Variants in SPMIP2 observed in about 807,000 individuals in gnomAD.
SPMIP2 encodes the protein sperm microtubule inner protein 2.
chr4:159,071,542 T>C, the SPMIP2 span, among the ~76,000 whole-genome samples: 1 of 152,118 alleles, frequency 6.6e-6, no homozygotes, highest in Non-Finnish European at 1.5e-5. Flanking sequence ...AGGGCAGCAA[T>C]GAGAAATTCA....
chr4:159,021,682 G>A, the SPMIP2 span, among the ~76,000 whole-genome samples: 1 of 152,172 alleles, frequency 6.6e-6, no homozygotes, highest in African/African-American at 2.4e-5. Context: ...GTAGTTTTAT[G>A]CCTGGGTCAA....
the SPMIP2 span, among the ~76,000 whole-genome samples, chr4:158,918,871 C>A: frequency 6.6e-6 from 1 of 152,196 alleles, no homozygotes; most frequent in Admixed American, 6.5e-5. Flanking sequence ...CAGGTGCACA[C>A]ACAAAATAGC....
the SPMIP2 span, among the ~76,000 whole-genome samples, chr4:158,955,176 A>T: frequency 0.028 from 4,237 of 152,232 alleles, 154 homozygotes; most frequent in East Asian, 0.2. Context: ...AACAAAAATG[A>T]GTTAACCTAC....
At chr4:159,054,818 C>T in the SPMIP2 span, among the ~76,000 whole-genome samples, 1 of 151,770 alleles carries the variant, frequency 6.6e-6, no homozygotes, top group Non-Finnish European at 1.5e-5. Context: ...CAACCCCTCC[C>T]ACCCTGCCCC....
the SPMIP2 span, among the ~76,000 whole-genome samples, chr4:158,904,147 T>G: frequency 6.6e-6 from 1 of 152,174 alleles, no homozygotes; most frequent in Non-Finnish European, 1.5e-5. Context: ...TATGATACAA[T>G]GAAGTTATAT....
the SPMIP2 span, among the ~76,000 whole-genome samples, chr4:158,980,542 G>A: frequency 1.2e-4 from 18 of 152,234 alleles, no homozygotes; most frequent in African/African-American, 2.2e-4. Context: ...TGCAGCCTTC[G>A]CTGGTGATAT....
At chr4:159,071,347 T>C in the SPMIP2 span, among the ~76,000 whole-genome samples, 1 of 152,150 alleles carries the variant, frequency 6.6e-6, no homozygotes, top group Non-Finnish European at 1.5e-5. Flanking sequence ...TGGTTTCTGG[T>C]ATCTCAGGTA....
At chr4:158,997,575 G>T in the SPMIP2 span, among the ~76,000 whole-genome samples, 1 of 152,126 alleles carries the variant, frequency 6.6e-6, no homozygotes, top group Non-Finnish European at 1.5e-5. Context: ...CAAGCCAGGG[G>T]CTCATTCAGA....
the SPMIP2 span, among the ~76,000 whole-genome samples, chr4:158,964,048 G>A: frequency 2.0e-5 from 3 of 151,984 alleles, no homozygotes; most frequent in Non-Finnish European, 4.4e-5. Flanking sequence ...CCAGCTACTC[G>A]AGAGGCTGGG....
chr4:159,078,475 A>T, the SPMIP2 span, among the ~76,000 whole-genome samples: 6 of 152,212 alleles, frequency 3.9e-5, no homozygotes, highest in Non-Finnish European at 5.9e-5. Context: ...AGAAACACTG[A>T]GGGCTTCAAG....
At chr4:158,943,072 A>G in the SPMIP2 span, among the ~76,000 whole-genome samples, 1 of 152,250 alleles carries the variant, frequency 6.6e-6, no homozygotes, top group Non-Finnish European at 1.5e-5. Context: ...GTTTGAGTCA[A>G]CATTTAAATA....
the SPMIP2 span, among the ~76,000 whole-genome samples, chr4:158,936,558 C>T: frequency 6.6e-6 from 1 of 152,186 alleles, no homozygotes; most frequent in African/African-American, 2.4e-5. Context: ...TACTAAAAAG[C>T]CATTGATGGC....
At chr4:158,970,580 G>T in the SPMIP2 span, among the ~76,000 whole-genome samples, 1 of 151,968 alleles carries the variant, frequency 6.6e-6, no homozygotes, top group Non-Finnish European at 1.5e-5. Context: ...ATCTGCCTTA[G>T]ATGGAAAGAG....
chr4:158,942,047 C>A, the SPMIP2 span, among the ~76,000 whole-genome samples: 3 of 152,144 alleles, frequency 2.0e-5, no homozygotes, highest in Non-Finnish European at 4.4e-5. Context: ...GTTCTGCCAC[C>A]CACCATGTAA....
chr4:159,034,056 G>A, the SPMIP2 span, among the ~76,000 whole-genome samples: 2 of 152,216 alleles, frequency 1.3e-5, no homozygotes, highest in East Asian at 3.8e-4. Context: ...AGAAACACTT[G>A]AACCTGGGAG....
chr4:159,029,647 G>A, the SPMIP2 span, among the ~76,000 whole-genome samples: 3 of 152,190 alleles, frequency 2.0e-5, no homozygotes, highest in Non-Finnish European at 4.4e-5. Flanking sequence ...TGAGTTTTGT[G>A]TAGTGTTATG....
chr4:158,989,621 G>A, the SPMIP2 span, among the ~76,000 whole-genome samples: 1 of 152,138 alleles, frequency 6.6e-6, no homozygotes, highest in African/African-American at 2.4e-5. Flanking sequence ...ACAAAAACAA[G>A]CAATGGGGAA....
chr4:158,940,849 T>A, the SPMIP2 span, among the ~76,000 whole-genome samples: 1 of 152,212 alleles, frequency 6.6e-6, no homozygotes, highest in Non-Finnish European at 1.5e-5. Context: ...GTCCAGTTTT[T>A]TTGGCCAGCA....
chr4:158,977,947 C>A, the SPMIP2 span, among the ~76,000 whole-genome samples: 3 of 152,094 alleles, frequency 2.0e-5, no homozygotes, highest in African/African-American at 7.2e-5. Context: ...TTAGTTATTT[C>A]TTGTCTTCTG....
Sources: allele counts gnomAD v4.1 joint callset (sites outside exome capture counted in the v4.1 genomes callset), GRCh38; gene constraint gnomAD v4.1.1; transcripts MANE v1.5; gene names NCBI Gene and HGNC (gene_info 2026-07-23, HGNC 2026-07-21).